Variants in CPE observed in about 807,000 individuals in gnomAD.
CPE encodes the protein carbocypeptidase E.
A neutral mutation model predicts 53.5 loss-of-function variants in CPE; 17 were observed. That is an observed-to-expected ratio of 0.32 (90% CI 0.22 to 0.48). The LOEUF is 0.48. Ranked by LOEUF, CPE falls within the 20% of genes least tolerant of loss-of-function variation. CPE has a pLI of 0.99. For missense variants in CPE, 524 were observed against 614.7 expected, an observed-to-expected ratio of 0.85 and a Z score of 1.56; for synonymous variants, 226 against 228.8, an observed-to-expected ratio of 0.99 and a Z score of 0.11.
intron 2 of CPE, among the ~76,000 whole-genome samples, chr4:165,465,360 A>G (rs1039368002): frequency 6.6e-6 from 1 of 152,138 alleles, no homozygotes; most frequent in Admixed American, 6.5e-5. Context: ...ATTTCTGTAA[A>G]TAAATATAAA....
chr4:165,458,445 T>G (rs1408690725), intron 1 of CPE, among the ~76,000 whole-genome samples: 1 of 152,206 alleles, frequency 6.6e-6, no homozygotes, highest in Non-Finnish European at 1.5e-5. Flanking sequence ...AATGAATTAG[T>G]GCACCTATAT....
chr4:165,473,827 T>G (rs1219831853), intron 3 of CPE, among the ~76,000 whole-genome samples: 1 of 152,152 alleles, frequency 6.6e-6, no homozygotes, highest in Non-Finnish European at 1.5e-5. Context: ...AAAGGGAAAT[T>G]TATAATTTTA....
In CPE at chr4:165,426,605, C is replaced by T. The variant is rs932988699; in HGVS notation, c.308-37785C>T. Among the ~76,000 whole-genome samples the T allele has an allele frequency of 3.3e-5, 5 of 152,110 alleles. No homozygotes were observed. In the East Asian group the frequency reaches 9.6e-4, roughly 29 times the overall value. On this transcript the variant is annotated intron_variant, in intron 1 of 8. Transcript: ENST00000402744. ...AATGTAAAATTGTGTAGGCTGCCTC[C>T]AATTATTTTAGAAGTAGGAAAAGGC...
chr4:165,408,674 G>C (rs1489482771), intron 1 of CPE, among the ~76,000 whole-genome samples: 1 of 152,218 alleles, frequency 6.6e-6, no homozygotes, highest in African/African-American at 2.4e-5. Flanking sequence ...CCCACCCCCA[G>C]AGTTTGATTC....
intron 5 of CPE, 69 bp downstream of exon 5, chr4:165,484,673 A>T: frequency 7.3e-7 from 1 of 1,373,664 alleles, no homozygotes. Flanking sequence ...AGGTTTAGAG[A>T]GTGATTTAGA....
intron 1 of CPE, among the ~76,000 whole-genome samples, chr4:165,397,080 A>C (rs1295318456): frequency 6.6e-6 from 1 of 152,116 alleles, no homozygotes; most frequent in Non-Finnish European, 1.5e-5. Flanking sequence ...TAAAAATTAA[A>C]ATAAAAATAA....
intron 1 of CPE, among the ~76,000 whole-genome samples, chr4:165,431,214 C>T (rs572737858): frequency 3.9e-5 from 6 of 152,208 alleles, no homozygotes; most frequent in African/African-American, 1.4e-4. Context: ...GGCTTCCTGT[C>T]TTAATGTGAT....
At chr4:165,424,091 C>T (rs1227038166) in intron 1 of CPE, among the ~76,000 whole-genome samples, 9 of 151,176 alleles carry the variant, frequency 6.0e-5, no homozygotes, top group Non-Finnish European at 1.3e-4. Context: ...ACTTAGACTT[C>T]TAAAGGTTTT....
chr4:165,391,174 T>C (rs1730672624), intron 1 of CPE, among the ~76,000 whole-genome samples: 2 of 152,292 alleles, frequency 1.3e-5, no homozygotes, highest in African/African-American at 2.4e-5. Flanking sequence ...TATTTTAACA[T>C]TGAAGCTGAA....
chr4:165,403,100 CTG>C (rs201289597), intron 1 of CPE, among the ~76,000 whole-genome samples: 2,127 of 152,226 alleles, frequency 0.014, 33 homozygotes, highest in Middle Eastern at 0.037. Flanking sequence ...AAAGTTAACA[CTG>C]GGAATCAACT....
intron 1 of CPE, among the ~76,000 whole-genome samples, chr4:165,437,489 C>G (rs1463262964): frequency 6.6e-6 from 1 of 152,106 alleles, no homozygotes; most frequent in Non-Finnish European, 1.5e-5. Flanking sequence ...AAGTGAAACC[C>G]TTTGGGTCAA....
At chr4:165,436,191 T>TAC (rs35269093) in intron 1 of CPE, among the ~76,000 whole-genome samples, 1,898 of 149,372 alleles carry the variant, frequency 0.013, 20 homozygotes, top group African/African-American at 0.023. Context: ...CCAGCACACA[T>TAC]ACACACACAC....
At position 165,417,251 on chromosome 4, in the gene CPE, G is replaced by A. The variant is rs1000748069; in HGVS notation, c.307+37723G>A. Among the ~76,000 whole-genome samples, 7 of 152,158 alleles carry A rather than the reference G, an allele frequency of 4.6e-5. 1 individual carries two copies. In the East Asian group the frequency reaches 1.2e-3, roughly 25 times the overall value. ...TTAGTTTAGACTTTAAAAAAAATGAGTAAATTTCCTAGAAGTCAAGTGTAG... is the reference window on the plus strand; with the variant it reads ...TTAGTTTAGACTTTAAAAAAAATGAATAAATTTCCTAGAAGTCAAGTGTAG... On this transcript the variant is annotated intron_variant, in intron 1 of 8. Transcript: ENST00000402744.
At chr4:165,413,609 A>G (rs1231711662) in intron 1 of CPE, among the ~76,000 whole-genome samples, 1 of 152,210 alleles carries the variant, frequency 6.6e-6, no homozygotes, top group East Asian at 1.9e-4. Flanking sequence ...ACTTTCTCAA[A>G]TAAAAAGCAA....
chr4:165,480,664 A>G (rs1384328387), intron 3 of CPE, among the ~76,000 whole-genome samples: 1 of 152,184 alleles, frequency 6.6e-6, no homozygotes, highest in African/African-American at 2.4e-5. Context: ...TGAATGTCTG[A>G]CACAGAAAGT....
intron 5 of CPE, among the ~76,000 whole-genome samples, chr4:165,486,266 C>T (rs564513879): frequency 1.3e-5 from 2 of 152,222 alleles, no homozygotes; most frequent in Non-Finnish European, 2.9e-5. Flanking sequence ...GTCTGGATGC[C>T]CTGCCTCCAT....
intron 1 of CPE, among the ~76,000 whole-genome samples, chr4:165,459,676 G>GT (rs1560888558): frequency 7.6e-6 from 1 of 132,406 alleles, no homozygotes; most frequent in African/African-American, 3.1e-5. Flanking sequence ...GGGCTGGGTG[G>GT]GGGGGGGCGG....
intron 1 of CPE, among the ~76,000 whole-genome samples, chr4:165,427,244 G>A (rs1333787636): frequency 2.0e-5 from 3 of 152,112 alleles, no homozygotes; most frequent in African/African-American, 7.2e-5. Context: ...CTGTTCTTTT[G>A]ATTGAAAGAA....
intron 1 of CPE, among the ~76,000 whole-genome samples, chr4:165,399,901 C>T (rs1038137685): frequency 7.2e-5 from 11 of 152,002 alleles, no homozygotes; most frequent in African/African-American, 2.4e-4. Context: ...AAGCAATCAT[C>T]AGTGTTATAA....
Sources: gnomAD v4.1 joint callset for allele counts (sites outside exome capture counted in the v4.1 genomes callset) on GRCh38, gnomAD v4.1.1 for gene constraint, MANE v1.5 for transcripts, NCBI Gene and HGNC (gene_info 2026-07-23, HGNC 2026-07-21) for gene names.